RIMBP2: variants seen among roughly 807,000 people sequenced by gnomAD.
RIMBP2 encodes the protein RIMS binding protein 2.
Under a neutral mutation model 118.6 loss-of-function variants are expected in RIMBP2, and 48 were observed. The observed-to-expected ratio is 0.40, with a 90% confidence interval of 0.32 to 0.51. The LOEUF is 0.51. RIMBP2 is among the 20% of genes least tolerant of loss of function. RIMBP2 has a pLI of 0.41. For synonymous variants in RIMBP2, 762 were observed against 742.9 expected, an observed-to-expected ratio of 1.03 and a Z score of -0.42; for missense variants, 1,551 against 1,768.3, an observed-to-expected ratio of 0.88 and a Z score of 2.20.
At position 130,438,513 on chromosome 12, in the gene RIMBP2, G is replaced by T. The variant is rs1449423786; in HGVS notation, c.1508C>A (p.Pro503His). 1 of 1,599,448 alleles carries T rather than the reference G, an allele frequency of 6.3e-7. No individual in the cohort carries two copies. The highest frequency in any genetic ancestry group is 8.5e-7 in the Non-Finnish European group (1 of 1,172,316). The change falls in exon 12 of 23, where the codon CCC becomes CAC. Residue 503 changes from proline (P) to histidine (H), a missense_variant. Pro to His is a moderately conservative substitution (Grantham distance 77). Coordinates refer to ENST00000690449, the MANE Select transcript of RIMBP2 (RefSeq NM_001393629.1). ...FVEFSTLPAG[P>H]PAPPQDVTVQ... ...GGTAACATCTTGTGGGGGTGCTGGGGGTCCTGGGAGGGGACAGAAGGGAAC... is the reference window on the plus strand; with the variant it reads ...GGTAACATCTTGTGGGGGTGCTGGGTGTCCTGGGAGGGGACAGAAGGGAAC...
chr12:130,438,334 A>AGCCCCC, intron 12 of RIMBP2, 31 bp downstream of exon 12: 10 of 1,344,510 alleles, frequency 7.4e-6, no homozygotes, highest in Admixed American at 1.7e-5. Flanking sequence ...GGGCCTAACA[A>AGCCCCC]ACCCTCCCCA....
intron 6 of RIMBP2, chr12:130,465,094 C>T (rs1455387908): frequency 6.6e-6 from 1 of 152,244 alleles, no homozygotes; most frequent in Non-Finnish European, 1.5e-5. Context: ...CCCCTAAAGG[C>T]AAAGGCCACA....
chr12:130,447,221 G>A lies in RIMBP2; in HGVS notation c.582-1952C>T, dbSNP rs984710094. ...CCTGAGAGCTTGAGAGGGAAGCCGC[G>A]GAGGCCAAGAGGGAAGGTGAACACC... On this transcript the variant is annotated intron_variant, in intron 9 of 22. Coordinates refer to ENST00000690449, the MANE Select transcript of RIMBP2 (RefSeq NM_001393629.1). This position sits in a 1 kb window ranked among gnomAD's most constrained non-coding sequence, Gnocchi z 4.4. Among the ~76,000 whole-genome samples the A allele has an allele frequency of 3.3e-5, 5 of 152,032 alleles. No individual in the cohort carries two copies. The highest frequency in any genetic ancestry group is 3.2e-3 in the Middle Eastern group (1 of 316).
At chr12:130,648,152 TTTCTAAATTTTCAACAGTAAA>T (rs992646054) in intron 1 of RIMBP2, among the ~76,000 whole-genome samples, 1 of 145,370 alleles carries the variant, frequency 6.9e-6, no homozygotes, top group African/African-American at 2.5e-5. Flanking sequence ...ACATCTTTCT[TTTCTAAATTTTCAACAGTAAA>T]TACTAAAGAT....
chr12:130,421,900 G>C (rs541965905), intron 17 of RIMBP2, among the ~76,000 whole-genome samples: 61 of 152,350 alleles, frequency 4.0e-4, no homozygotes, highest in Admixed American at 6.5e-4. Context: ...ATTCCAAAAA[G>C]TCAGGAAGAG....
At position 130,396,168 on chromosome 12, in the gene RIMBP2, T is replaced by C. The variant is rs1357213026; in HGVS notation, c.*1193A>G. The C allele has an allele frequency of 6.6e-6, 1 of 152,624 alleles. No individual in the cohort carries two copies. The highest frequency in any genetic ancestry group is 1.5e-5 in the Non-Finnish European group (1 of 68,032). The allele number at this position is 152,624 out of a possible 1,614,324, so 9.5% of individuals were successfully genotyped here. A position where few individuals can be genotyped will look rare whatever the true frequency, so the allele number is the denominator to read the frequency against. ...TAACAAATTTTATTTCTAGAAAATA[T>C]TTTACACTAACTGTGCACATGCACA... is the stretch of plus-strand genomic sequence containing the variant. On this transcript the variant is annotated 3_prime_UTR_variant, in exon 23 of 23. Transcript: ENST00000690449.
chr12:130,459,446 C>T (rs567743572), intron 6 of RIMBP2, among the ~76,000 whole-genome samples: 75 of 152,156 alleles, frequency 4.9e-4, no homozygotes, highest in Non-Finnish European at 1.0e-3. Flanking sequence ...ACGGGAACTC[C>T]CCCTGCTGTC....
intron 19 of RIMBP2, among the ~76,000 whole-genome samples, chr12:130,410,454 A>C (rs568925064): frequency 6.6e-6 from 1 of 152,264 alleles, no homozygotes; most frequent in African/African-American, 2.4e-5. Flanking sequence ...ATTATTATAA[A>C]GTTTTCTCCT....
chr12:130,631,290 A>G (rs1461634721), intron 1 of RIMBP2, among the ~76,000 whole-genome samples: 1 of 152,256 alleles, frequency 6.6e-6, no homozygotes, highest in African/African-American at 2.4e-5. Flanking sequence ...TGCTACCATT[A>G]GCAATATACA....
At chr12:130,667,416 A>T (rs2064000757) in intron 1 of RIMBP2, 1 of 152,302 alleles carries the variant, frequency 6.6e-6, no homozygotes, top group Non-Finnish European at 1.5e-5. Context: ...TACAGGAATC[A>T]AAAAGACAGT....
intron 1 of RIMBP2, among the ~76,000 whole-genome samples, chr12:130,706,032 G>A (rs1019163437): frequency 3.3e-5 from 5 of 152,226 alleles, no homozygotes; most frequent in Admixed American, 3.3e-4. Flanking sequence ...ACCCGTTTCT[G>A]GGACTATCTG....
intron 1 of RIMBP2, among the ~76,000 whole-genome samples, chr12:130,637,096 T>C (rs2062383847): frequency 1.3e-5 from 2 of 152,160 alleles, no homozygotes; most frequent in South Asian, 4.1e-4. Flanking sequence ...GCAGTATATA[T>C]AGAAAATTCC....
At chr12:130,494,666 G>GA (rs111312487) in intron 4 of RIMBP2, among the ~76,000 whole-genome samples, 55,292 of 147,584 alleles carry the variant, frequency 0.37, 10,613 homozygotes, top group East Asian at 0.69. Flanking sequence ...GAAAAGAAAA[G>GA]AAAGAGCAAA....
In RIMBP2 at chr12:130,684,643, G is replaced by A. The variant is rs192892302; in HGVS notation, c.-352+31579C>T. Reference sequence around the variant, plus strand: ...AGACTTAGGAGTGTCCTGATATCCCGATATCTTGAGAACAGAAACATTCCT... The same window carrying A: ...AGACTTAGGAGTGTCCTGATATCCCAATATCTTGAGAACAGAAACATTCCT... On this transcript the variant is annotated intron_variant, in intron 1 of 22. Transcript: ENST00000690449. Among the ~76,000 whole-genome samples the A allele has an allele frequency of 7.9e-5, 12 of 152,236 alleles. No homozygotes were observed. In the East Asian group the frequency reaches 1.9e-3, roughly 25 times the overall value.
In RIMBP2 at chr12:130,581,733, G is replaced by A. The variant is rs1017167790; in HGVS notation, c.-217+46589C>T. Among the ~76,000 whole-genome samples the A allele has an allele frequency of 1.3e-5, 2 of 152,154 alleles. No homozygotes were observed. The highest frequency in any genetic ancestry group is 2.4e-5 in the African/African-American group (1 of 41,422). ...GCCTGAGTCATCACCATTCCTCGCC[G>A]GGTTATGAGAATGGCCTCTCAATGG... is the stretch of plus-strand genomic sequence containing the variant. On this transcript the variant is annotated intron_variant, in intron 2 of 22. Transcript: ENST00000690449. This position sits in a 1 kb window ranked among gnomAD's most constrained non-coding sequence, Gnocchi z 4.4.
rs2076671377 is a variant in RIMBP2, at chr12:130,424,821, C to A, written c.2450G>T (p.Trp817Leu). The A allele has an allele frequency of 1.6e-6, 2 of 1,232,580 alleles. No individual in the cohort carries two copies. Among genetic ancestry groups the A allele is most frequent in the Non-Finnish European group, 2.0e-6 (2 of 988,440 alleles). 76.4% of individuals were successfully genotyped at this position (1,232,580 alleles called of 1,614,324 possible). Residue 817 changes from tryptophan (W) to leucine (L), a missense_variant, in exon 16 of 23, where the codon TGG (tryptophan) becomes TTG (leucine). Trp to Leu is a moderately conservative substitution (Grantham distance 61, BLOSUM62 -2). This residue lies in a region of RIMBP2 where 1,038 missense variants were observed against 1,125.1 expected (regional missense o/e 0.92). Coordinates refer to ENST00000690449, the MANE Select transcript of RIMBP2 (RefSeq NM_001393629.1). This position sits in a 1 kb window ranked among gnomAD's most constrained non-coding sequence, Gnocchi z 9.8. ...CTGGTGGGGAAACTCGGGCTGCTCC[C>A]AGAAAGTGCCTTCCGAGGTCCTATG... ...TDHRTSEGTF[W>L]EQPEFPHQPH...
At chr12:130,613,107 C>T (rs1403055755) in intron 2 of RIMBP2, among the ~76,000 whole-genome samples, 9 of 152,350 alleles carry the variant, frequency 5.9e-5, no homozygotes, top group African/African-American at 1.2e-4. Flanking sequence ...TTTGTCCTCA[C>T]GAGTGTCCTT....
rs386378267 is a variant in RIMBP2 at position 130,571,416 on chromosome 12, A to ACAT, written c.-216-53500_-216-53499insATG. ...GTGTGCTACTGCTACCCATAGTAAC[A>ACAT]TTTTTTTTTTTTTTTTTTTTGGAGA... On this transcript the variant is annotated intron_variant, in intron 2 of 22. Transcript: ENST00000690449. Among the ~76,000 whole-genome samples the ACAT allele has an allele frequency of 4.0e-3, 414 of 104,248 alleles. 29 individuals carry two copies. The highest frequency in any genetic ancestry group is 7.5e-3 in the African/African-American group (233 of 31,098). 68.4% of individuals were successfully genotyped at this position (104,248 alleles called of 152,430 possible). A position where few individuals can be genotyped will look rare whatever the true frequency, so the allele number is the denominator to read the frequency against.
At chr12:130,399,132 T>A in intron 22 of RIMBP2, 1 of 1,397,628 alleles carries the variant, frequency 7.2e-7, no homozygotes. Context: ...CTACATTGCC[T>A]GATTAAGGTG....
Sources: gnomAD v4.1 joint callset for allele counts (sites outside exome capture counted in the v4.1 genomes callset) on GRCh38, gnomAD v4.1.1 for gene constraint, gnomAD v4.1.1 regional missense constraint, Gnocchi (gnomAD v3.1) non-coding constraint, MANE v1.5 for transcripts, NCBI Gene and HGNC (gene_info 2026-07-23, HGNC 2026-07-21) for gene names.